The following PDE6G variants were observed in gnomAD, a reference collection of about 807,000 sequenced individuals.
The protein encoded by PDE6G is phosphodiesterase 6G, also known as rod cGMP 3',5'-cyclic phosphodiesterase subunit gamma.
In PDE6G, 10 loss-of-function variants were observed where a neutral mutation model predicts 10.9. The ratio of observed to expected loss-of-function variants is 0.91; its 90% CI spans 0.56 to 1.55. PDE6G has a LOEUF of 1.55. Ranked by LOEUF, PDE6G falls within the 40% of genes most tolerant of loss-of-function variation. The pLI is 0.00. For missense variants in PDE6G, 102 were observed against 110.1 expected, an observed-to-expected ratio of 0.93 and a Z score of 0.33; for synonymous variants, 41 against 42.8, an observed-to-expected ratio of 0.96 and a Z score of 0.16.
At chr17:81,662,739 C>T (rs922158341) in intron 1 of PDE6G, among the ~76,000 whole-genome samples, 3 of 152,200 alleles carry the variant, frequency 2.0e-5, no homozygotes, top group Non-Finnish European at 2.9e-5. Flanking sequence ...TGGCTCATGC[C>T]TGCAATCCCA....
At chr17:81,659,403 G>A (rs559644772), upstream of PDE6G, among the ~76,000 whole-genome samples, 288 of 151,228 alleles carry the variant, frequency 1.9e-3, 1 homozygote, top group African/African-American at 6.9e-3. Flanking sequence ...GTTTGAGACC[G>A]GCCTGGGCAA....
chr17:81,651,263 G>T lies in PDE6G; in HGVS notation c.188-113C>A. The T allele has an allele frequency of 1.3e-6, 1 of 793,812 alleles. No individual in the cohort carries two copies. 49.2% of individuals were successfully genotyped at this position (793,812 alleles called of 1,614,324 possible). A position where few individuals can be genotyped will look rare whatever the true frequency, so the allele number is the denominator to read the frequency against. On this transcript the variant is annotated intron_variant, in intron 3 of 3. Coordinates refer to ENST00000331056, the MANE Select transcript of PDE6G (RefSeq NM_002602.4). This position sits in a 1 kb window ranked among gnomAD's most constrained non-coding sequence, Gnocchi z 4.8. Reference sequence around the variant, plus strand: ...GTGTAGCCCTACAGTGTGCTGAGCGGGGACGTGCGGACGCTGGAGTGGGGC... The same window carrying T: ...GTGTAGCCCTACAGTGTGCTGAGCGTGGACGTGCGGACGCTGGAGTGGGGC...
intron 1 of PDE6G, among the ~76,000 whole-genome samples, chr17:81,654,320 C>T (rs1345783992): frequency 1.3e-5 from 2 of 151,858 alleles, no homozygotes; most frequent in Admixed American, 6.6e-5. Context: ...TCTCATCACG[C>T]GTCGAGTTAG....
chr17:81,661,036 G>C (rs2036506123), upstream of PDE6G, among the ~76,000 whole-genome samples: 1 of 152,192 alleles, frequency 6.6e-6, no homozygotes, highest in Non-Finnish European at 1.5e-5. Context: ...TCCTGCCTCA[G>C]CCTCCCAAGT....
Position 81,650,797 on chromosome 17 carries a change from AC to A in PDE6G, c.*276del. ...CTTCCCGTTCTCCCTGGGAGTGGAGACCGACCAAGCCTCTCTGTGGGCAGGA... is the reference window on the plus strand; with the variant it reads ...CTTCCCGTTCTCCCTGGGAGTGGAGACGACCAAGCCTCTCTGTGGGCAGGA... On this transcript the variant is annotated 3_prime_UTR_variant, in exon 4 of 4. Transcript: ENST00000331056. 1 of 541,950 alleles carries A rather than the reference AC, an allele frequency of 1.8e-6. No homozygotes were observed. The highest frequency in any genetic ancestry group is 4.2e-5 in the East Asian group (1 of 23,714). The allele number at this position is 541,950 out of a possible 1,614,324, so 33.6% of individuals were successfully genotyped here.
At chr17:81,662,451 C>T (rs908979758) in intron 1 of PDE6G, among the ~76,000 whole-genome samples, 5 of 152,138 alleles carry the variant, frequency 3.3e-5, no homozygotes, top group East Asian at 1.9e-4. Context: ...GGCAAAACCA[C>T]GTCTCTACTA....
Position 81,651,804 on chromosome 17 carries a change from G to C in PDE6G, c.147-119C>G, listed in dbSNP as rs12603868. ...AGGTGTTTGGCTGGGAGCCCAGTGG[G>C]CAGAGACCCGCCTCCTCCCCAACCT... On this transcript the variant is annotated intron_variant, in intron 2 of 3. Coordinates refer to ENST00000331056, the MANE Select transcript of PDE6G (RefSeq NM_002602.4). The surrounding 1 kb of genome is among the most constrained non-coding windows in gnomAD (Gnocchi z 4.8). 444,989 of 1,092,652 alleles carry C rather than the reference G, an allele frequency of 0.41. 97,227 individuals carry two copies. Among genetic ancestry groups the C allele is most frequent in the East Asian group, 0.76 (29,454 of 38,956 alleles). 67.7% of individuals were successfully genotyped at this position (1,092,652 alleles called of 1,614,324 possible).
At position 81,650,779 on chromosome 17, in the gene PDE6G, T is replaced by G; in HGVS notation, c.*295A>C. ...CTCCCGGGCTGGGGTCCACTTCCCG[T>G]TCTCCCTGGGAGTGGAGACCGACCA... On this transcript the variant is annotated 3_prime_UTR_variant, in exon 4 of 4. Transcript: ENST00000331056. The G allele has an allele frequency of 2.0e-6, 1 of 511,710 alleles. No individual in the cohort carries two copies. The highest frequency in any genetic ancestry group is 3.8e-6 in the Non-Finnish European group (1 of 263,118). 31.7% of individuals were successfully genotyped at this position (511,710 alleles called of 1,614,324 possible). A position where few individuals can be genotyped will look rare whatever the true frequency, so the allele number is the denominator to read the frequency against.
chr17:81,661,068 C>T (rs2036506316), upstream of PDE6G, among the ~76,000 whole-genome samples: 1 of 152,210 alleles, frequency 6.6e-6, no homozygotes, highest in Admixed American at 6.5e-5. Flanking sequence ...CAGGCACACA[C>T]CACCATGCCC....
intron 1 of PDE6G, 61 bp downstream of exon 1, chr17:81,656,432 C>T: frequency 1.4e-6 from 1 of 723,174 alleles, no homozygotes; most frequent in Non-Finnish European, 2.5e-6. Context: ...TGAGCAGACC[C>T]CCACTGACTC....
At chr17:81,652,378 A>G (rs7406891) in intron 2 of PDE6G, among the ~76,000 whole-genome samples, 96,049 of 151,232 alleles carry the variant, frequency 0.64, 32,053 homozygotes, top group East Asian at 0.99. Context: ...CCGGGTTCAC[A>G]CCATTCTCCT....
intron 2 of PDE6G, among the ~76,000 whole-genome samples, chr17:81,652,206 G>A (rs1164856164): frequency 1.3e-5 from 2 of 152,172 alleles, no homozygotes; most frequent in Non-Finnish European, 2.9e-5. Context: ...CGAGATGCCC[G>A]TGTGTGCGCA....
upstream of PDE6G, among the ~76,000 whole-genome samples, chr17:81,659,271 A>AT (rs1324456231): frequency 1.3e-5 from 2 of 149,824 alleles, no homozygotes; most frequent in Non-Finnish European, 2.9e-5. Flanking sequence ...TTATTGTACC[A>AT]TTGCACTTTA....
chr17:81,659,138 T>C (rs557561613), upstream of PDE6G, among the ~76,000 whole-genome samples: 2 of 149,654 alleles, frequency 1.3e-5, no homozygotes, highest in South Asian at 4.2e-4. Context: ...GGAAACAAGA[T>C]TGCAATCCAT....
Position 81,653,032 on chromosome 17 carries a change from C to T in PDE6G, c.146+128G>A, listed in dbSNP as rs147046589. 7.0e-3 allele frequency: 7,845 copies of T among 1,113,684 alleles called. 49 individuals carry two copies. The highest frequency in any genetic ancestry group is 0.045 in the Middle Eastern group (205 of 4,508). 69.0% of individuals were successfully genotyped at this position (1,113,684 alleles called of 1,614,324 possible). On this transcript the variant is annotated intron_variant, in intron 2 of 3. Transcript: ENST00000331056. This position sits in a 1 kb window ranked among gnomAD's most constrained non-coding sequence, Gnocchi z 5.2. ...AGGCCCTCAGGCACCGCCCTACCTT[C>T]CCCAGCTGTGAGGCTGGGACCACTC...
Position 81,653,228 on chromosome 17 carries a change from C to A in PDE6G, c.78G>T (p.Gly26=). Residue 26 remains glycine, a synonymous_variant, in exon 2 of 4, where the codon GGG becomes GGT. Coordinates refer to ENST00000331056, the MANE Select transcript of PDE6G (RefSeq NM_002602.4). This position sits in a 1 kb window ranked among gnomAD's most constrained non-coding sequence, Gnocchi z 5.2. ...VAGGPVTPRK[G]PPKFKQRQTR... Reference sequence around the variant, plus strand: ...TCTGTCGCTGCTTAAATTTAGGGGGCCCTTTCCTGGGGGTGACAGGTCCCC... The same window carrying A: ...TCTGTCGCTGCTTAAATTTAGGGGGACCTTTCCTGGGGGTGACAGGTCCCC... 3.1e-6 allele frequency: 5 copies of A among 1,614,108 alleles called. No individual in the cohort carries two copies. The highest frequency in any genetic ancestry group is 4.2e-6 in the Non-Finnish European group (5 of 1,180,006).
intron 1 of PDE6G, among the ~76,000 whole-genome samples, chr17:81,655,910 T>C (rs1297202564): frequency 6.6e-6 from 1 of 152,148 alleles, no homozygotes; most frequent in Non-Finnish European, 1.5e-5. Context: ...CACCTGGGAT[T>C]GGGGTGGACC....
Position 81,651,683 on chromosome 17 carries a change from A to G in PDE6G, c.149T>C (p.Phe50Ser), listed in dbSNP as rs1356163064. The G allele has an allele frequency of 6.2e-7, 1 of 1,614,050 alleles. No homozygotes were observed. The highest frequency in any genetic ancestry group is 8.5e-7 in the Non-Finnish European group (1 of 1,179,946). The change falls in exon 3 of 4, where the codon TTT becomes TCT. Residue 50 changes from phenylalanine to serine, a missense_variant and splice_region_variant. Coordinates refer to ENST00000331056, the MANE Select transcript of PDE6G (RefSeq NM_002602.4). This position sits in a 1 kb window ranked among gnomAD's most constrained non-coding sequence, Gnocchi z 4.8. ...TTCCATTCCAGGGATGTCGTCCCCA[A>G]ACCTGCAAGGACAGAGCACTCAGGG... The part of the protein sequence containing the change: ...SKPPKKGVQG[F>S]GDDIPGMEGL...
At position 81,651,222 on chromosome 17, in the gene PDE6G, G is replaced by A. The variant is rs7217415; in HGVS notation, c.188-72C>T. ...GGACCCCCCCATCCCCTGTGGCCCT[G>A]TTTCCCACAGCCCAGGTGTAGCCCT... is the stretch of plus-strand genomic sequence containing the variant. On this transcript the variant is annotated intron_variant, in intron 3 of 3. Coordinates refer to ENST00000331056, the MANE Select transcript of PDE6G (RefSeq NM_002602.4). The surrounding 1 kb of genome is among the most constrained non-coding windows in gnomAD (Gnocchi z 4.8). 0.4 allele frequency: 452,112 copies of A among 1,120,456 alleles called. 100,266 individuals carry two copies. Among genetic ancestry groups the A allele is most frequent in the East Asian group, 0.75 (31,714 of 42,044 alleles). 69.4% of individuals were successfully genotyped at this position (1,120,456 alleles called of 1,614,324 possible). A position where few individuals can be genotyped will look rare whatever the true frequency, so the allele number is the denominator to read the frequency against.
Sources: allele counts gnomAD v4.1 joint callset (sites outside exome capture counted in the v4.1 genomes callset), GRCh38; gene constraint gnomAD v4.1.1; non-coding constraint Gnocchi (gnomAD v3.1); transcripts MANE v1.5; gene names NCBI Gene and HGNC (gene_info 2026-07-23, HGNC 2026-07-21).